The following ABCA12 variants were observed in gnomAD, a reference collection of about 807,000 sequenced individuals.
ABCA12 encodes glucosylceramide transporter ABCA12.
A neutral mutation model predicts 293.5 loss-of-function variants in ABCA12; 156 were observed. That is an observed-to-expected ratio of 0.53 (90% CI 0.47 to 0.61). The LOEUF is 0.61. Among genes scored for constraint, ABCA12 ranks in the 20% least tolerant of loss-of-function variants. The probability of loss-of-function intolerance (pLI) is 0.00; values close to 1 mark genes in which losing one functional copy is unlikely to be tolerated. For missense variants in ABCA12, 2,797 were observed against 3,090.2 expected, an observed-to-expected ratio of 0.91 and a Z score of 2.25; for synonymous variants, 1,063 against 1,108.0, an observed-to-expected ratio of 0.96 and a Z score of 0.81.
chr2:214,946,932 A>G (rs145977935), intron 48 of ABCA12, among the ~76,000 whole-genome samples: 137 of 152,216 alleles, frequency 9.0e-4, no homozygotes, highest in Non-Finnish European at 1.7e-3. Flanking sequence ...ATCACATCCT[A>G]AGCTAGATAA....
intron 22 of ABCA12, chr2:214,999,825 C>T (rs2038955): frequency 1 from 984,286 of 984,834 alleles, 491,871 homozygotes; most frequent in East Asian, 1. Flanking sequence ...GGTTACATTA[C>T]CTCATCTCAT....
At chr2:215,022,765 A>G (rs549170315) in intron 11 of ABCA12, 1 of 152,312 alleles carries the variant, frequency 6.6e-6, no homozygotes, top group African/African-American at 2.4e-5. Flanking sequence ...AGCAATGGGC[A>G]TAAAATGATA....
intron 15 of ABCA12, 45 bp downstream of exon 15, chr2:215,015,445 T>A (rs1209437063): frequency 6.5e-7 from 1 of 1,532,428 alleles, no homozygotes; most frequent in Non-Finnish European, 9.0e-7. Flanking sequence ...TAAATAGTTT[T>A]ATATAAACCA....
intron 50 of ABCA12, among the ~76,000 whole-genome samples, chr2:214,942,296 C>A (rs1698431720): frequency 6.6e-6 from 1 of 152,090 alleles, no homozygotes; most frequent in Non-Finnish European, 1.5e-5. Context: ...TTTTCCTTAT[C>A]TTGGTTAATG....
intron 9 of ABCA12, among the ~76,000 whole-genome samples, chr2:215,027,823 C>A (rs1700782666): frequency 6.6e-6 from 1 of 152,094 alleles, no homozygotes; most frequent in South Asian, 2.1e-4. Flanking sequence ...TTAATGGGAT[C>A]CCATTGACCA....
At chr2:215,073,864 G>A (rs1013476503) in intron 2 of ABCA12, among the ~76,000 whole-genome samples, 29 of 152,202 alleles carry the variant, frequency 1.9e-4, no homozygotes, top group Non-Finnish European at 3.4e-4. Context: ...GGAGTAGAGT[G>A]GGGAAGCATC....
rs778200334 is a variant in ABCA12 at position 215,018,129 on chromosome 2, T to C, written c.1661A>G (p.Gln554Arg). 2.5e-6 allele frequency: 4 copies of C among 1,612,528 alleles called. No homozygotes were observed. The Admixed American group carries it at 6.7e-5, about 27-fold the overall frequency. The change falls in exon 14 of 53, where the codon CAG becomes CGG. Residue 554 changes from glutamine to arginine, a missense_variant. Transcript: ENST00000272895. Reference sequence around the variant, plus strand: ...AACATTTTTAAACATTTCTAGTAACTGACCTGCAAGAAGAAAAATGTAAAA... The same window carrying C: ...AACATTTTTAAACATTTCTAGTAACCGACCTGCAAGAAGAAAAATGTAAAA... ...NSADASEKPG[Q>R]LLEMFKNVEE...
chr2:215,086,388 C>A (rs562336894), intron 2 of ABCA12, among the ~76,000 whole-genome samples: 41 of 152,098 alleles, frequency 2.7e-4, no homozygotes, highest in Non-Finnish European at 4.9e-4. Context: ...CCAGCGAAGC[C>A]CTTTGCATGG....
At chr2:215,019,503 A>G (rs1216940248) in intron 12 of ABCA12, 37 bp downstream of exon 12, 2 of 1,614,086 alleles carry the variant, frequency 1.2e-6, no homozygotes, top group Non-Finnish European at 1.7e-6. Context: ...ATTTTGAAAG[A>G]GATTTCACCA....
At chr2:214,988,369 GA>G (rs1199434527) in intron 26 of ABCA12, among the ~76,000 whole-genome samples, 1 of 152,108 alleles carries the variant, frequency 6.6e-6, no homozygotes, top group Non-Finnish European at 1.5e-5. Flanking sequence ...TTCAGTATTA[GA>G]ACATTTCTAT....
chr2:215,036,978 C>G lies in ABCA12; in HGVS notation c.960G>C (p.Leu320=). ...CTTGAGCTGGGGAGTCCAGAGTGTACAGCAGATGTTTAACAGACTTCTGGA... is the reference window on the plus strand; with the variant it reads ...CTTGAGCTGGGGAGTCCAGAGTGTAGAGCAGATGTTTAACAGACTTCTGGA... The part of the protein sequence containing the change: ...RTLQKSVKHL[L]YTLDSPAQGD... Residue 320 remains leucine, a synonymous_variant, in exon 8 of 53, where the codon CTG becomes CTC. Coordinates refer to ENST00000272895, the MANE Select transcript of ABCA12 (RefSeq NM_173076.3). 1 of 1,613,870 alleles carries G rather than the reference C, an allele frequency of 6.2e-7. No individual in the cohort carries two copies. Among genetic ancestry groups the G allele is most frequent in the East Asian group, 2.2e-5 (1 of 44,852 alleles).
At chr2:215,013,689 T>C (rs1347756102) in intron 15 of ABCA12, 1 of 154,284 alleles carries the variant, frequency 6.5e-6, no homozygotes, top group Non-Finnish European at 1.5e-5. Flanking sequence ...AGAGTTAAAA[T>C]TTTAGGCAAA....
At chr2:215,088,749 C>T (rs777809005) in intron 2 of ABCA12, among the ~76,000 whole-genome samples, 29 of 152,072 alleles carry the variant, frequency 1.9e-4, no homozygotes, top group Non-Finnish European at 1.6e-4. Flanking sequence ...GAAATGAGAA[C>T]GGAGACACCT....
chr2:215,071,093 A>C (rs1701727839), intron 2 of ABCA12, among the ~76,000 whole-genome samples: 1 of 151,914 alleles, frequency 6.6e-6, no homozygotes, highest in African/African-American at 2.4e-5. Context: ...CCTACTCCAG[A>C]GGCTGAGGTA....
rs1172094219 is a variant in ABCA12 at position 214,949,087 on chromosome 2, T to C, written c.6915A>G (p.Gly2305=). Residue 2305 remains glycine, a synonymous_variant, in exon 46 of 53, where the codon GGA becomes GGG. Transcript: ENST00000272895. ...GKTTIFKMLT[G]DIIPSSGNIL... ...TGTTTCCACTTGAAGGAATGATGTCTCCTGTCAGCATCTTGAATATAGTGG... is the reference window on the plus strand; with the variant it reads ...TGTTTCCACTTGAAGGAATGATGTCCCCTGTCAGCATCTTGAATATAGTGG... 6.2e-7 allele frequency: 1 copy of C among 1,613,804 alleles called. No homozygotes were observed. Among genetic ancestry groups the C allele is most frequent in the Admixed American group, 1.7e-5 (1 of 59,974 alleles).
chr2:214,957,363 G>T (rs764263323), intron 41 of ABCA12, among the ~76,000 whole-genome samples: 35 of 152,304 alleles, frequency 2.3e-4, no homozygotes, highest in Non-Finnish European at 3.8e-4. Context: ...AACTTAATTT[G>T]CAGGGTGGGG....
intron 1 of ABCA12, among the ~76,000 whole-genome samples, chr2:215,120,095 G>T (rs912881572): frequency 6.6e-6 from 1 of 152,262 alleles, no homozygotes; most frequent in Admixed American, 6.5e-5. Flanking sequence ...GAAAAAGAAT[G>T]AAATCATGTA....
intron 39 of ABCA12, among the ~76,000 whole-genome samples, chr2:214,965,789 A>C (rs56906420): frequency 0.18 from 27,028 of 152,114 alleles, 4,224 homozygotes; most frequent in African/African-American, 0.42. Context: ...TGTTAGTAAG[A>C]ATGTAAATTA....
At position 214,966,841 on chromosome 2, in the gene ABCA12, A is replaced by G. The variant is rs753567933; in HGVS notation, c.5884+7T>C. 1.9e-5 allele frequency: 31 copies of G among 1,613,262 alleles called. No individual in the cohort carries two copies. Among genetic ancestry groups the G allele is most frequent in the East Asian group, 2.2e-5 (1 of 44,858 alleles). On this transcript the variant is annotated splice_region_variant and intron_variant, in intron 39 of 52. Coordinates refer to ENST00000272895, the MANE Select transcript of ABCA12 (RefSeq NM_173076.3). ...AATACAGGACACTTTTGTGTTAGTA[A>G]CTTTACCATGTCGGGCAGCATCGTA...
Sources: allele counts gnomAD v4.1 joint callset (sites outside exome capture counted in the v4.1 genomes callset), GRCh38; gene constraint gnomAD v4.1.1; transcripts MANE v1.5; gene names NCBI Gene and HGNC (gene_info 2026-07-23, HGNC 2026-07-21).